PPFIBP1: variants seen among roughly 807,000 people sequenced by gnomAD.
The protein encoded by PPFIBP1 is PPFIB scaffold protein 1.
In PPFIBP1, 112 loss-of-function variants were observed where a neutral mutation model predicts 137.8. That is an observed-to-expected ratio of 0.81 (90% CI 0.70 to 0.95). The LOEUF (loss-of-function observed/expected upper bound fraction) is 0.95. Among genes scored for constraint, PPFIBP1 ranks in the 40% least tolerant of loss-of-function variants. The pLI is 0.00. For synonymous variants in PPFIBP1, 378 were observed against 417.3 expected (o/e 0.91, Z 1.15); for missense variants, 1,083 against 1,196.6 (o/e 0.91, Z 1.40).
intron 2 of PPFIBP1, among the ~76,000 whole-genome samples, chr12:27,622,186 C>T (rs971470285): frequency 2.0e-5 from 3 of 152,174 alleles, no homozygotes; most frequent in East Asian, 1.9e-4. Flanking sequence ...CTGTGTTGCA[C>T]CTTTTTACAG....
chr12:27,536,123 T>C (rs146130798), intron 1 of PPFIBP1, among the ~76,000 whole-genome samples: 7 of 152,342 alleles, frequency 4.6e-5, no homozygotes, highest in African/African-American at 1.7e-4. Flanking sequence ...GCCTGCTTAC[T>C]CAGTTGTATT....
At chr12:27,672,641 G>A (rs946013969) in intron 15 of PPFIBP1, among the ~76,000 whole-genome samples, 158 bp downstream of exon 15, 1 of 152,132 alleles carries the variant, frequency 6.6e-6, no homozygotes, top group Non-Finnish European at 1.5e-5. Context: ...GGTGAAGGTG[G>A]GGAGCTGTAA....
intron 2 of PPFIBP1, among the ~76,000 whole-genome samples, chr12:27,579,838 G>C (rs2050915826): frequency 6.6e-6 from 1 of 152,176 alleles, no homozygotes; most frequent in Non-Finnish European, 1.5e-5. Context: ...GATGTTCCAA[G>C]CTGCTTACTC....
intron 2 of PPFIBP1, among the ~76,000 whole-genome samples, chr12:27,587,294 T>A (rs1274319469): frequency 6.6e-6 from 1 of 152,158 alleles, no homozygotes; most frequent in Non-Finnish European, 1.5e-5. Context: ...TTAGAGTAAA[T>A]GTTTTAATGT....
chr12:27,593,129 C>CAAAAAAAAAA (rs33939858), intron 2 of PPFIBP1, among the ~76,000 whole-genome samples: 6 of 100,944 alleles, frequency 5.9e-5, no homozygotes, highest in Non-Finnish European at 9.5e-5. Flanking sequence ...AAGAATGTCT[C>CAAAAAAAAAA]AAAAAAAAAA....
At chr12:27,528,534 C>T (rs1336198139) in intron 1 of PPFIBP1, among the ~76,000 whole-genome samples, 1 of 152,136 alleles carries the variant, frequency 6.6e-6, no homozygotes, top group Non-Finnish European at 1.5e-5. Context: ...AAATGGAGCT[C>T]ATAAATTTAA....
At chr12:27,613,533 TC>T (rs2055387274) in intron 2 of PPFIBP1, among the ~76,000 whole-genome samples, 1 of 151,978 alleles carries the variant, frequency 6.6e-6, no homozygotes, top group African/African-American at 2.4e-5. Context: ...CAAAACCCCA[TC>T]TCTACTAAAA....
chr12:27,551,136 C>T (rs529716809), intron 1 of PPFIBP1, among the ~76,000 whole-genome samples: 3 of 151,992 alleles, frequency 2.0e-5, no homozygotes, highest in Non-Finnish European at 4.4e-5. Flanking sequence ...TCAATCTGCA[C>T]CATGGTAGTT....
rs11833775 is a variant in PPFIBP1 at position 27,648,316 on chromosome 12, T to C, written c.471+474T>C. Among the ~76,000 whole-genome samples, 1,507 of 152,276 alleles carry C rather than the reference T, an allele frequency of 9.9e-3. 32 individuals carry two copies. Among genetic ancestry groups the C allele is most frequent in the African/African-American group, 0.035 (1,447 of 41,538 alleles). ...TAATGAGATACTATCTCACCCCAGC[T>C]AAAATGGCTTTTATCCAAAAGACAG... On this transcript the variant is annotated intron_variant, in intron 6 of 29. Coordinates refer to ENST00000228425, the MANE Select transcript of PPFIBP1 (RefSeq NM_003622.4).
intron 10 of PPFIBP1, among the ~76,000 whole-genome samples, chr12:27,660,575 T>C (rs1321973423): frequency 1.3e-5 from 2 of 152,266 alleles, no homozygotes; most frequent in Non-Finnish European, 2.9e-5. Context: ...TTTTTATTAC[T>C]ATAGCACTGA....
At chr12:27,593,434 G>A in intron 2 of PPFIBP1, 4 of 455,624 alleles carry the variant, frequency 8.8e-6, no homozygotes, top group Non-Finnish European at 1.8e-5. Context: ...CCTTAGAGGA[G>A]TCTGTGGAGA....
At chr12:27,639,630 G>A (rs1271346236) in intron 4 of PPFIBP1, among the ~76,000 whole-genome samples, 11 of 152,230 alleles carry the variant, frequency 7.2e-5, no homozygotes, top group Non-Finnish European at 1.2e-4. Context: ...ACTAATGGTA[G>A]TAACGCCAAA....
chr12:27,600,257 G>A (rs989079384), intron 2 of PPFIBP1, among the ~76,000 whole-genome samples: 59 of 152,102 alleles, frequency 3.9e-4, no homozygotes, highest in African/African-American at 1.3e-3. Context: ...GGCCAACGGT[G>A]AAACACCATC....
chr12:27,570,235 A>G (rs2050025253), intron 1 of PPFIBP1, among the ~76,000 whole-genome samples: 1 of 152,144 alleles, frequency 6.6e-6, no homozygotes, highest in Non-Finnish European at 1.5e-5. Context: ...ATAAAGTTGT[A>G]TTTTACATAC....
intron 7 of PPFIBP1, 100 bp from the exon 8 acceptor site, chr12:27,654,622 G>C: frequency 7.0e-7 from 1 of 1,420,510 alleles, no homozygotes; most frequent in African/African-American, 1.4e-5. Flanking sequence ...TTTAACCCTA[G>C]GAGCTGGTGA....
At chr12:27,665,457 C>A (rs918706326) in intron 12 of PPFIBP1, among the ~76,000 whole-genome samples, 4 of 152,020 alleles carry the variant, frequency 2.6e-5, no homozygotes, top group African/African-American at 9.7e-5. Context: ...TATGGGGAAG[C>A]CTAGAGAAGG....
chr12:27,619,049 G>A (rs1288941533), intron 2 of PPFIBP1, among the ~76,000 whole-genome samples: 2 of 152,074 alleles, frequency 1.3e-5, no homozygotes, highest in Admixed American at 1.3e-4. Context: ...GGAGAGACAA[G>A]TGCTATAGGA....
chr12:27,656,120 G>C (rs1362576935), intron 8 of PPFIBP1, among the ~76,000 whole-genome samples: 1 of 152,090 alleles, frequency 6.6e-6, no homozygotes, highest in Non-Finnish European at 1.5e-5. Context: ...CCCTGATTTG[G>C]CTAAAATTGT....
In PPFIBP1 at chr12:27,682,630, T is replaced by C. The variant is rs1179942743; in HGVS notation, c.2174T>C (p.Ile725Thr). 1.9e-6 allele frequency: 3 copies of C among 1,614,056 alleles called. No individual in the cohort carries two copies. Among genetic ancestry groups the C allele is most frequent in the Admixed American group, 1.7e-5 (1 of 59,990 alleles). ...TCTCTTTTAGGATGGTTGGATGACA[T>C]TGGCCTCCCTCAATATAAGACCCAG... The part of the protein sequence containing the change: ...FNWVTRWLDD[I>T]GLPQYKTQFD... Residue 725 changes from isoleucine (I) to threonine (T), a missense_variant, in exon 24 of 30, where the codon ATT becomes ACT. Coordinates refer to ENST00000228425, the MANE Select transcript of PPFIBP1 (RefSeq NM_003622.4).
Sources: allele counts gnomAD v4.1 joint callset (sites outside exome capture counted in the v4.1 genomes callset), GRCh38; gene constraint gnomAD v4.1.1; transcripts MANE v1.5; gene names NCBI Gene and HGNC (gene_info 2026-07-23, HGNC 2026-07-21).